B3GALT5: variants seen among roughly 807,000 people sequenced by gnomAD.
B3GALT5 encodes UDP-Gal:betaGlcNAc beta 1,3-galactosyltransferase, polypeptide 5.
For synonymous variants in B3GALT5, 156 were observed against 158.6 expected (o/e 0.98, Z 0.12); for missense variants, 328 against 396.6 (o/e 0.83, Z 1.47).
chr21:39,659,104 G>A (rs774643421), intron 2 of B3GALT5, among the ~76,000 whole-genome samples: 1 of 152,130 alleles, frequency 6.6e-6, no homozygotes, highest in Non-Finnish European at 1.5e-5. Flanking sequence ...GAAGAGTATG[G>A]TGGCATGCGC....
At chr21:39,652,469 G>A (rs561901433) in intron 2 of B3GALT5, among the ~76,000 whole-genome samples, 1 of 152,358 alleles carries the variant, frequency 6.6e-6, no homozygotes, top group Admixed American at 6.5e-5. Flanking sequence ...GGGCACAGGT[G>A]TAGAACACGT....
At chr21:39,645,101 C>T (rs1475749309) in intron 1 of B3GALT5, among the ~76,000 whole-genome samples, 1 of 152,148 alleles carries the variant, frequency 6.6e-6, no homozygotes, top group Non-Finnish European at 1.5e-5. Context: ...GAAGACACCA[C>T]GTATTTCTCT....
intron 2 of B3GALT5, among the ~76,000 whole-genome samples, chr21:39,650,885 T>C (rs542072553): frequency 6.7e-6 from 1 of 149,804 alleles, no homozygotes; most frequent in East Asian, 2.0e-4. Flanking sequence ...AATGAGCAGC[T>C]CACCATGTCC....
intron 2 of B3GALT5, among the ~76,000 whole-genome samples, chr21:39,647,384 G>A (rs2079350709): frequency 6.6e-6 from 1 of 152,116 alleles, no homozygotes; most frequent in Non-Finnish European, 1.5e-5. Flanking sequence ...TTGAAATCCA[G>A]CAGGCCAGTT....
At chr21:39,652,493 C>T (rs948484760) in intron 2 of B3GALT5, among the ~76,000 whole-genome samples, 3 of 151,976 alleles carry the variant, frequency 2.0e-5, no homozygotes, top group Admixed American at 6.6e-5. Flanking sequence ...TGCCCTGGGC[C>T]GTGCTACACC....
chr21:39,613,653 C>G (rs2123676898), intron 1 of B3GALT5, among the ~76,000 whole-genome samples: 1 of 151,908 alleles, frequency 6.6e-6, no homozygotes, highest in East Asian at 1.9e-4. Flanking sequence ...AAAACAATAT[C>G]TGTACCGTGT....
intron 1 of B3GALT5, among the ~76,000 whole-genome samples, chr21:39,642,501 A>C (rs764372985): frequency 2.6e-5 from 4 of 152,222 alleles, no homozygotes; most frequent in Non-Finnish European, 4.4e-5. Flanking sequence ...GGAGTTACAC[A>C]CATTGAGGTT....
Position 39,663,241 on chromosome 21 carries a change from T to C in B3GALT5, c.*1749T>C, listed in dbSNP as rs888800015. 2 of 152,476 alleles carry C rather than the reference T, an allele frequency of 1.3e-5. No homozygotes were observed. Among genetic ancestry groups the C allele is most frequent in the Non-Finnish European group, 2.9e-5 (2 of 68,110 alleles). The allele number at this position is 152,476 out of a possible 1,614,324, so 9.4% of individuals were successfully genotyped here. A position where few individuals can be genotyped will look rare whatever the true frequency, so the allele number is the denominator to read the frequency against. On this transcript the variant is annotated 3_prime_UTR_variant, in exon 4 of 4. Coordinates refer to ENST00000684187, the MANE Select transcript of B3GALT5 (RefSeq NM_001356336.2). ...TGCGTCTGTGTTTCGTGGTCTACCT[T>C]GTCAGGTGTGTGTCTGTGTGGCCAC...
chr21:39,657,990 T>G, intron 2 of B3GALT5: 1 of 1,125,274 alleles, frequency 8.9e-7, no homozygotes, highest in Non-Finnish European at 1.1e-6. Context: ...GCAGCTGGCC[T>G]GGGGTGGCTA....
Position 39,663,858 on chromosome 21 carries a change from G to GA in B3GALT5, c.*2367dup, listed in dbSNP as rs1385804045. On this transcript the variant is annotated 3_prime_UTR_variant, in exon 4 of 4. Transcript: ENST00000684187. ...TGCTGTCTTGTCTGGATGTGAGAGT[G>GA]AGAAACAATGTGAAAGCATGAGTGA... 6.6e-6 allele frequency: 1 copy of GA among 152,238 alleles called. No individual in the cohort carries two copies. Among genetic ancestry groups the GA allele is most frequent in the African/African-American group, 2.4e-5 (1 of 41,434 alleles). The allele number at this position is 152,238 out of a possible 1,614,324, so 9.4% of individuals were successfully genotyped here. A position where few individuals can be genotyped will look rare whatever the true frequency, so the allele number is the denominator to read the frequency against.
chr21:39,650,146 T>G (rs2079381467), intron 2 of B3GALT5, among the ~76,000 whole-genome samples: 1 of 152,296 alleles, frequency 6.6e-6, no homozygotes, highest in South Asian at 2.1e-4. Context: ...GGGATGAAGG[T>G]GCAGGGCTCT....
chr21:39,659,719 G>A (rs2079490775), intron 2 of B3GALT5, 34 bp from the exon 3 acceptor site: 1 of 982,526 alleles, frequency 1.0e-6, no homozygotes, highest in African/African-American at 1.8e-5. Context: ...AGGCACGAGT[G>A]ATTTGAATGA....
chr21:39,670,140 A>G lies in B3GALT5; in HGVS notation c.*8648A>G, dbSNP rs993881793. On this transcript the variant is annotated 3_prime_UTR_variant, in exon 4 of 4. Transcript: ENST00000684187. ...TCTGGCTTCAGAAAATAAACTCTTC[A>G]GTCCAGCCCACTTTCCCTGTCTCCC... 1 of 152,280 alleles carries G rather than the reference A, an allele frequency of 6.6e-6. No homozygotes were observed. The highest frequency in any genetic ancestry group is 6.5e-5 in the Admixed American group (1 of 15,274). 9.4% of individuals were successfully genotyped at this position (152,280 alleles called of 1,614,324 possible).
At chr21:39,649,746 A>G (rs760918078) in intron 2 of B3GALT5, among the ~76,000 whole-genome samples, 20 of 152,176 alleles carry the variant, frequency 1.3e-4, no homozygotes, top group Non-Finnish European at 2.4e-4. Flanking sequence ...AACCGATCAG[A>G]TAGTGACGTT....
At position 39,663,393 on chromosome 21, in the gene B3GALT5, A is replaced by G. The variant is rs896605320; in HGVS notation, c.*1901A>G. ...ATGAGGACAGGCGTGGGCTCTCCCTACTGCTTCTGTGTGTTCTTAAAGGAT... is the reference window on the plus strand; with the variant it reads ...ATGAGGACAGGCGTGGGCTCTCCCTGCTGCTTCTGTGTGTTCTTAAAGGAT... On this transcript the variant is annotated 3_prime_UTR_variant, in exon 4 of 4. Coordinates refer to ENST00000684187, the MANE Select transcript of B3GALT5 (RefSeq NM_001356336.2). 1 of 151,952 alleles carries G rather than the reference A, an allele frequency of 6.6e-6. No homozygotes were observed. Among genetic ancestry groups the G allele is most frequent in the African/African-American group, 2.4e-5 (1 of 41,356 alleles). The allele number at this position is 151,952 out of a possible 1,614,324, so 9.4% of individuals were successfully genotyped here.
chr21:39,632,402 C>A (rs80289816), intron 1 of B3GALT5, among the ~76,000 whole-genome samples: 6,579 of 152,122 alleles, frequency 0.043, 177 homozygotes, highest in South Asian at 0.078. Context: ...AGGTTAATTA[C>A]GTGATGGATG....
chr21:39,634,142 T>A (rs1056348949), intron 1 of B3GALT5, among the ~76,000 whole-genome samples: 4 of 152,216 alleles, frequency 2.6e-5, no homozygotes, highest in African/African-American at 7.2e-5. Context: ...TTCTGTTTTC[T>A]TTTCAACGTC....
chr21:39,630,612 T>C (rs2123695853), intron 1 of B3GALT5: 1 of 152,376 alleles, frequency 6.6e-6, no homozygotes, highest in African/African-American at 2.4e-5. Context: ...TGCACTTGAC[T>C]CTGGGATGGT....
At chr21:39,640,347 G>A (rs1319197290) in intron 1 of B3GALT5, among the ~76,000 whole-genome samples, 2 of 152,086 alleles carry the variant, frequency 1.3e-5, no homozygotes, top group East Asian at 3.9e-4. Context: ...CCTAGAGAGT[G>A]GCTGCTTAGG....
Sources: allele counts gnomAD v4.1 joint callset (sites outside exome capture counted in the v4.1 genomes callset), GRCh38; gene constraint gnomAD v4.1.1; transcripts MANE v1.5; gene names NCBI Gene and HGNC (gene_info 2026-07-23, HGNC 2026-07-21).